The following RNF144B variants were observed in gnomAD, a reference collection of about 807,000 sequenced individuals.
The protein encoded by RNF144B is E3 ubiquitin-protein ligase RNF144B.
In RNF144B, 25 loss-of-function variants were observed where a neutral mutation model predicts 40.2. The observed-to-expected ratio is 0.62, with a 90% confidence interval of 0.45 to 0.87. RNF144B has a LOEUF of 0.87. Ranked by LOEUF, RNF144B falls within the 40% of genes least tolerant of loss-of-function variation. The pLI, the probability that RNF144B is intolerant of heterozygous loss-of-function variation, is 0.00. For synonymous variants in RNF144B, 145 were observed against 136.3 expected (o/e 1.06, Z -0.44); for missense variants, 365 against 373.7 (o/e 0.98, Z 0.19).
At chr6:18,463,986 CA>C (rs1759523005) in intron 7 of RNF144B, among the ~76,000 whole-genome samples, 1 of 152,102 alleles carries the variant, frequency 6.6e-6, no homozygotes, top group Non-Finnish European at 1.5e-5. Context: ...CCCCATGATT[CA>C]ATTATCTCCA....
intron 2 of RNF144B, among the ~76,000 whole-genome samples, chr6:18,408,265 GT>G (rs1464566454): frequency 2.6e-5 from 4 of 152,076 alleles, no homozygotes; most frequent in African/African-American, 9.7e-5. Context: ...GATTACAGAT[GT>G]GAGCCACTGT....
At chr6:18,432,472 A>G (rs1358224761) in intron 3 of RNF144B, among the ~76,000 whole-genome samples, 1 of 152,230 alleles carries the variant, frequency 6.6e-6, no homozygotes, top group Non-Finnish European at 1.5e-5. Context: ...AGCTTTTCCA[A>G]TGTACTTGAT....
At position 18,398,942 on chromosome 6, in the gene RNF144B, G is replaced by A. The variant is rs1582399562; in HGVS notation, c.-36-557G>A. Among the ~76,000 whole-genome samples the A allele has an allele frequency of 6.6e-6, 1 of 152,142 alleles. No individual in the cohort carries two copies. Among genetic ancestry groups the A allele is most frequent in the African/African-American group, 2.4e-5 (1 of 41,408 alleles). On this transcript the variant is annotated intron_variant, in intron 1 of 7. Transcript: ENST00000259939. This position sits in a 1 kb window ranked among gnomAD's most constrained non-coding sequence, Gnocchi z 5.0. ...ACTCCTAAATATGTTTGCTCATAGT[G>A]ATATTTCCCGCCCCTGACCTTCATT...
At chr6:18,420,686 C>A (rs1441058692) in intron 2 of RNF144B, among the ~76,000 whole-genome samples, 1 of 151,970 alleles carries the variant, frequency 6.6e-6, no homozygotes, top group Non-Finnish European at 1.5e-5. Context: ...GTCTGATATT[C>A]TAGTATGTCC....
intron 3 of RNF144B, among the ~76,000 whole-genome samples, chr6:18,438,653 T>C (rs1031429094): frequency 6.6e-6 from 1 of 152,170 alleles, no homozygotes; most frequent in African/African-American, 2.4e-5. Context: ...AATACAATTT[T>C]AGCTGCATCA....
Position 18,464,993 on chromosome 6 carries a change from T to C in RNF144B, c.838T>C (p.Ser280Pro), listed in dbSNP as rs776600741. 1.2e-6 allele frequency: 2 copies of C among 1,613,878 alleles called. No individual in the cohort carries two copies. Among genetic ancestry groups the C allele is most frequent in the East Asian group, 2.2e-5 (1 of 44,848 alleles). Reference protein sequence around the residue: ...LVTSPLLLLASPCIICCVCKS... With the variant: ...LVTSPLLLLAPPCIICCVCKS... Reference sequence around the variant, plus strand: ...TACTTCACCCTTGTTACTCCTGGCCTCCCCATGTATAATCTGTTGTGTCTG... The same window carrying C: ...TACTTCACCCTTGTTACTCCTGGCCCCCCCATGTATAATCTGTTGTGTCTG... The change falls in exon 8 of 8, where the codon TCC (serine) becomes CCC (proline). Residue 280 changes from serine to proline, a missense_variant. Coordinates refer to ENST00000259939, the MANE Select transcript of RNF144B (RefSeq NM_182757.4). This position sits in a 1 kb window ranked among gnomAD's most constrained non-coding sequence, Gnocchi z 6.1.
chr6:18,396,330 C>A, intron 1 of RNF144B: 1 of 883,754 alleles, frequency 1.1e-6, no homozygotes, highest in Non-Finnish European at 1.4e-6. Flanking sequence ...TCAAGAGTAT[C>A]CAATTAATTT....
At chr6:18,424,379 G>A (rs1758502558) in intron 2 of RNF144B, among the ~76,000 whole-genome samples, 1 of 152,170 alleles carries the variant, frequency 6.6e-6, no homozygotes, top group Non-Finnish European at 1.5e-5. Flanking sequence ...AATGTCAAGT[G>A]CCTGTGCTGT....
At chr6:18,436,252 A>G (rs1421668908) in intron 3 of RNF144B, among the ~76,000 whole-genome samples, 1 of 152,156 alleles carries the variant, frequency 6.6e-6, no homozygotes, top group African/African-American at 2.4e-5. Flanking sequence ...AAACTCATCA[A>G]AGTCACAAAA....
At chr6:18,461,537 C>G (rs1413797638) in intron 6 of RNF144B, among the ~76,000 whole-genome samples, 1 of 152,148 alleles carries the variant, frequency 6.6e-6, no homozygotes, top group Non-Finnish European at 1.5e-5. Flanking sequence ...GATCTCCATC[C>G]TTTGGTTGAA....
In RNF144B at chr6:18,468,773, A is replaced by G. The variant is rs1759624968; in HGVS notation, c.*3706A>G. The G allele has an allele frequency of 6.6e-6, 1 of 152,188 alleles. No individual in the cohort carries two copies. The highest frequency in any genetic ancestry group is 1.5e-5 in the Non-Finnish European group (1 of 68,024). 9.4% of individuals were successfully genotyped at this position (152,188 alleles called of 1,614,324 possible). A position where few individuals can be genotyped will look rare whatever the true frequency, so the allele number is the denominator to read the frequency against. On this transcript the variant is annotated 3_prime_UTR_variant, in exon 8 of 8. Coordinates refer to ENST00000259939, the MANE Select transcript of RNF144B (RefSeq NM_182757.4). ...GTTGATTCATGATCCAGGAAGTTTT[A>G]TGTATTTAAAAAATTGCTATCGTGT...
At chr6:18,428,091 G>T (rs145027515) in intron 3 of RNF144B, among the ~76,000 whole-genome samples, 84 of 152,248 alleles carry the variant, frequency 5.5e-4, no homozygotes, top group Middle Eastern at 6.8e-3. Flanking sequence ...TGCTGTTCTC[G>T]TGATAGTGCG....
At position 18,416,784 on chromosome 6, in the gene RNF144B, A is replaced by T. The variant is rs2113484447; in HGVS notation, c.166-10797A>T. Among the ~76,000 whole-genome samples the T allele has an allele frequency of 6.6e-6, 1 of 152,286 alleles. No homozygotes were observed. Among genetic ancestry groups the T allele is most frequent in the Admixed American group, 6.5e-5 (1 of 15,296 alleles). On this transcript the variant is annotated intron_variant, in intron 2 of 7. Transcript: ENST00000259939. This position sits in a 1 kb window ranked among gnomAD's most constrained non-coding sequence, Gnocchi z 5.5. Reference sequence around the variant, plus strand: ...TGGAGAGGTTGGGTAGAAAAGAGTGATGAGGGGCATAAAAGTATCTTCCCT... The same window carrying T: ...TGGAGAGGTTGGGTAGAAAAGAGTGTTGAGGGGCATAAAAGTATCTTCCCT...
intron 3 of RNF144B, among the ~76,000 whole-genome samples, chr6:18,432,008 T>A (rs1367012748): frequency 1.3e-5 from 2 of 152,204 alleles, no homozygotes; most frequent in South Asian, 4.1e-4. Flanking sequence ...CAACTGCCCA[T>A]GGAGAATACT....
At chr6:18,438,711 A>T (rs1169147668) in intron 3 of RNF144B, among the ~76,000 whole-genome samples, 1 of 152,130 alleles carries the variant, frequency 6.6e-6, no homozygotes. Context: ...CCTTAGTTGC[A>T]AGAACGTCAA....
intron 1 of RNF144B, among the ~76,000 whole-genome samples, chr6:18,389,661 A>G (rs1193668235): frequency 6.6e-6 from 1 of 152,188 alleles, no homozygotes; most frequent in Admixed American, 6.5e-5. Flanking sequence ...GTCAGGAATC[A>G]TGCTGAACCC....
chr6:18,462,971 C>T (rs904819827), intron 6 of RNF144B, among the ~76,000 whole-genome samples: 13 of 152,162 alleles, frequency 8.5e-5, no homozygotes, highest in African/African-American at 2.9e-4. Context: ...ACCAGCCTTT[C>T]AGCTGCCTTG....
chr6:18,456,799 G>A lies in RNF144B; in HGVS notation c.332-356G>A, dbSNP rs781211666. On this transcript the variant is annotated intron_variant, in intron 4 of 7. Transcript: ENST00000259939. This position sits in a 1 kb window ranked among gnomAD's most constrained non-coding sequence, Gnocchi z 4.7. ...AAATGGGGCAGGTGTGGTGGCTCAT[G>A]CCTGTAAAATCCCAGCACTTTGGGA... Among the ~76,000 whole-genome samples the A allele has an allele frequency of 3.3e-5, 5 of 152,162 alleles. No individual in the cohort carries two copies. Among genetic ancestry groups the A allele is most frequent in the Non-Finnish European group, 7.3e-5 (5 of 68,032 alleles).
intron 6 of RNF144B, among the ~76,000 whole-genome samples, chr6:18,461,820 G>C (rs1436297727): frequency 1.3e-5 from 2 of 152,028 alleles, no homozygotes; most frequent in Non-Finnish European, 2.9e-5. Flanking sequence ...TTGAGATCAT[G>C]GGGCCAGGAG....
Sources: allele counts gnomAD v4.1 joint callset (sites outside exome capture counted in the v4.1 genomes callset), GRCh38; gene constraint gnomAD v4.1.1; non-coding constraint Gnocchi (gnomAD v3.1); transcripts MANE v1.5; gene names NCBI Gene and HGNC (gene_info 2026-07-23, HGNC 2026-07-21).